Variants in BBS2 observed in about 807,000 individuals in gnomAD.
BBS2 encodes BBSome complex member BBS2.
BBS2 carries 62 observed loss-of-function variants against 83.0 expected under a neutral mutation model. That is an observed-to-expected ratio of 0.75 (90% CI 0.61 to 0.92). BBS2 has a LOEUF of 0.92. BBS2 is among the 40% of genes least tolerant of loss of function. The pLI is 0.00. For missense variants in BBS2, 784 were observed against 901.0 expected (o/e 0.87, Z 1.66); for synonymous variants, 303 against 326.1 (o/e 0.93, Z 0.76).
chr16:56,485,583 G>A lies in BBS2; in HGVS notation c.2059+7C>T. 1.2e-6 allele frequency: 2 copies of A among 1,614,038 alleles called. No individual in the cohort carries two copies. Among genetic ancestry groups the A allele is most frequent in the Non-Finnish European group, 1.7e-6 (2 of 1,179,948 alleles). On this transcript the variant is annotated splice_region_variant and intron_variant, in intron 16 of 16. Transcript: ENST00000245157. ...ATCAAAGTGCAGTGTTATGAAAAGA[G>A]ACTTACCCCGCAGACGACCTGCTCT...
intron 15 of BBS2, among the ~76,000 whole-genome samples, chr16:56,490,150 A>AC (rs11463734): frequency 0.18 from 26,859 of 149,824 alleles, 2,571 homozygotes; most frequent in South Asian, 0.23. Flanking sequence ...ACACACACAC[A>AC]AAAATAATAA....
chr16:56,514,126 A>G (rs1026430504), intron 2 of BBS2, among the ~76,000 whole-genome samples: 6 of 152,358 alleles, frequency 3.9e-5, no homozygotes, highest in Non-Finnish European at 7.3e-5. Flanking sequence ...CTATTGCACT[A>G]AACTTGAATG....
chr16:56,475,863 T>C (rs1261100985), intron 17 of BBS2, among the ~76,000 whole-genome samples: 5 of 152,236 alleles, frequency 3.3e-5, no homozygotes, highest in Non-Finnish European at 7.3e-5. Context: ...TCTAGGTATA[T>C]GCTGGAATAG....
chr16:56,487,225 A>G (rs1963808728), intron 15 of BBS2, among the ~76,000 whole-genome samples: 1 of 152,188 alleles, frequency 6.6e-6, no homozygotes, highest in African/African-American at 2.4e-5. Flanking sequence ...ACATTTTGCA[A>G]TCAAATGCCT....
chr16:56,485,212 ATTG>A (rs2144094217), intron 16 of BBS2, among the ~76,000 whole-genome samples: 1 of 152,212 alleles, frequency 6.6e-6, no homozygotes, highest in Non-Finnish European at 1.5e-5. Context: ...GGTTTATCCT[ATTG>A]TTCTTTTCTA....
intron 5 of BBS2, 143 bp from the exon 6 acceptor site, chr16:56,506,367 T>C: frequency 2.9e-6 from 2 of 699,284 alleles, no homozygotes; most frequent in Non-Finnish European, 2.6e-6. Flanking sequence ...TAGTGGGGAA[T>C]GTATTCCTCT....
At chr16:56,509,436 A>T (rs1246999361) in intron 5 of BBS2, 1 of 163,486 alleles carries the variant, frequency 6.1e-6, no homozygotes, top group Admixed American at 5.9e-5. Context: ...TGGGAGGTGG[A>T]GCTTGCAGTA....
chr16:56,491,820 G>A (rs1443691450), intron 15 of BBS2, among the ~76,000 whole-genome samples: 8 of 148,170 alleles, frequency 5.4e-5, no homozygotes, highest in Admixed American at 2.0e-4. Flanking sequence ...GCAAATGACC[G>A]ACAGGTATAT....
chr16:56,513,007 CT>C (rs1279095776), intron 2 of BBS2, among the ~76,000 whole-genome samples: 1 of 152,084 alleles, frequency 6.6e-6, no homozygotes, highest in African/African-American at 2.4e-5. Flanking sequence ...AAACAATTAG[CT>C]GGGTGTGGTA....
chr16:56,497,112 G>C (rs754227267), intron 14 of BBS2, 33 bp from the exon 15 acceptor site: 3 of 1,411,070 alleles, frequency 2.1e-6, no homozygotes, highest in Non-Finnish European at 3.0e-6. Flanking sequence ...AATGAAAAAG[G>C]CCTCACAAAC....
At chr16:56,475,412 C>T (rs1417665575) in intron 17 of BBS2, 2 of 1,114,494 alleles carry the variant, frequency 1.8e-6, no homozygotes, top group Non-Finnish European at 1.4e-6. Context: ...TCCCAGATCC[C>T]CCACTGTTAA....
At chr16:56,503,827 G>A (rs1435330930) in intron 7 of BBS2, among the ~76,000 whole-genome samples, 2 of 151,916 alleles carry the variant, frequency 1.3e-5, no homozygotes, top group African/African-American at 2.4e-5. Flanking sequence ...GCTGAGGCAG[G>A]AGAATCGCTT....
chr16:56,476,115 C>G, intron 17 of BBS2: 1 of 1,613,880 alleles, frequency 6.2e-7, no homozygotes, highest in Non-Finnish European at 8.5e-7. Flanking sequence ...TGAAATTTGT[C>G]AAGCATATTA....
Position 56,519,751 on chromosome 16 carries a change from C to G in BBS2, c.112G>C (p.Gly38Arg). Residue 38 changes from glycine (G) to arginine (R), a missense_variant, in exon 1 of 17, where the codon GGC (glycine) becomes CGC (arginine). Transcript: ENST00000245157. ...CTGCGGGTGGGAGCGGTTACCTTGCCCGTTTGGGTGGCGGCCGCCAGGCAC... is the reference window on the plus strand; with the variant it reads ...CTGCGGGTGGGAGCGGTTACCTTGCGCGTTTGGGTGGCGGCCGCCAGGCAC... ...HPCLAAATQT[G>R]KVFIHNPHTR... 6.2e-7 allele frequency: 1 copy of G among 1,612,836 alleles called. No individual in the cohort carries two copies. Among genetic ancestry groups the G allele is most frequent in the African/African-American group, 1.3e-5 (1 of 75,024 alleles).
intron 7 of BBS2, among the ~76,000 whole-genome samples, chr16:56,503,275 T>C (rs755851127): frequency 9.8e-5 from 15 of 152,318 alleles, no homozygotes; most frequent in Admixed American, 2.6e-4. Flanking sequence ...CTATATCCCA[T>C]TGGGTATAAC....
rs752010652 is a variant in BBS2, at chr16:56,506,210, A to G, written c.627T>C (p.Leu209=). The G allele has an allele frequency of 6.2e-7, 1 of 1,613,620 alleles. No individual in the cohort carries two copies. The highest frequency in any genetic ancestry group is 8.5e-7 in the Non-Finnish European group (1 of 1,179,652). ...CAAATCGACTGCCATACATGGGACA[A>G]AGAGAGGTGACTATCTGCAAAACAA... ...EMTETEIVTS[L]CPMYGSRFGY... Residue 209 remains leucine, a synonymous_variant, in exon 6 of 17, where the codon CTT becomes CTC. Coordinates refer to ENST00000245157, the MANE Select transcript of BBS2 (RefSeq NM_031885.5).
intron 7 of BBS2, among the ~76,000 whole-genome samples, chr16:56,505,485 G>C (rs1032107334): frequency 6.6e-6 from 1 of 152,166 alleles, no homozygotes; most frequent in Admixed American, 6.5e-5. Context: ...ATTCTGATTT[G>C]AAGTTAAAAA....
At chr16:56,509,748 A>C in intron 5 of BBS2, 4 of 532,678 alleles carry the variant, frequency 7.5e-6, no homozygotes, top group Non-Finnish European at 1.4e-5. Context: ...ATTTTTCTCT[A>C]TTTAATCAGT....
intron 2 of BBS2, 145 bp downstream of exon 2, chr16:56,514,308 T>C (rs985089845): frequency 2.6e-6 from 2 of 774,922 alleles, no homozygotes; most frequent in African/African-American, 3.5e-5. Context: ...AAGCAGATGT[T>C]AACAGCAAAA....
Sources: allele counts gnomAD v4.1 joint callset (sites outside exome capture counted in the v4.1 genomes callset), GRCh38; gene constraint gnomAD v4.1.1; transcripts MANE v1.5; gene names NCBI Gene and HGNC (gene_info 2026-07-23, HGNC 2026-07-21).